Variants in ATXN2 observed in about 807,000 individuals in gnomAD.
ATXN2 encodes ataxin 2, also known as ataxin-2.
ATXN2 carries 37 observed loss-of-function variants against 138.6 expected under a neutral mutation model. The observed-to-expected ratio is 0.27, with a 90% CI of 0.21 to 0.35. The LOEUF is 0.35. Among genes scored for constraint, ATXN2 ranks in the 10% least tolerant of loss-of-function variants. ATXN2 has a pLI of 1.00. For missense variants in ATXN2, 1,216 were observed against 1,480.3 expected, an observed-to-expected ratio of 0.82 and a Z score of 2.93; for synonymous variants, 549 against 543.7, an observed-to-expected ratio of 1.01 and a Z score of -0.13.
intron 14 of ATXN2, among the ~76,000 whole-genome samples, chr12:111,496,915 A>T (rs1429811808): frequency 6.6e-6 from 1 of 152,170 alleles, no homozygotes; most frequent in Non-Finnish European, 1.5e-5. Context: ...AATACAAAAG[A>T]TCAATAAAAC....
rs140262591 is a variant in ATXN2 at position 111,470,741 on chromosome 12, T to C, written c.2526A>G (p.Val842=). ...NQAKTYRAGK[V]PNMPQQRQDQ... Reference sequence around the variant, plus strand: ...CTTGCCGCTGTTGGGGCATATTTGGTACTGCAGAAAAAAAAGCAGACTGCC... The same window carrying C: ...CTTGCCGCTGTTGGGGCATATTTGGCACTGCAGAAAAAAAAGCAGACTGCC... Residue 842 remains valine (V), a splice_region_variant and synonymous_variant, in exon 19 of 25, where the codon GTA becomes GTG. Coordinates refer to ENST00000673436, the MANE Select transcript of ATXN2 (RefSeq NM_001372574.1). 6,998 of 1,614,008 alleles carry C rather than the reference T, an allele frequency of 4.3e-3. 21 individuals carry two copies. Among genetic ancestry groups the C allele is most frequent in the Non-Finnish European group, 5.4e-3 (6,355 of 1,179,984 alleles).
At chr12:111,464,634 A>T in intron 21 of ATXN2, 28 bp downstream of exon 21, 1 of 1,559,982 alleles carries the variant, frequency 6.4e-7, no homozygotes, top group Non-Finnish European at 8.8e-7. Context: ...CTGTACAATT[A>T]AAAATTAGTA....
chr12:111,571,566 G>A (rs1361236012), intron 1 of ATXN2, among the ~76,000 whole-genome samples: 4 of 152,096 alleles, frequency 2.6e-5, no homozygotes, highest in Admixed American at 6.6e-5. Flanking sequence ...TCCACAAGCA[G>A]TGAGGAAGGA....
intron 21 of ATXN2, among the ~76,000 whole-genome samples, chr12:111,462,932 T>C (rs1039059705): frequency 3.3e-5 from 5 of 151,624 alleles, no homozygotes; most frequent in African/African-American, 1.2e-4. Context: ...TAACATTTCC[T>C]AGCACCAAAT....
intron 1 of ATXN2, among the ~76,000 whole-genome samples, chr12:111,576,876 T>G (rs537049765): frequency 2.0e-4 from 31 of 152,036 alleles, no homozygotes; most frequent in African/African-American, 7.2e-4. Context: ...GAGAATGGCA[T>G]GAACCTGGGA....
intron 1 of ATXN2, among the ~76,000 whole-genome samples, chr12:111,581,060 C>A (rs1454021848): frequency 6.7e-6 from 1 of 148,910 alleles, no homozygotes; most frequent in African/African-American, 2.5e-5. Flanking sequence ...AGCTTGAACC[C>A]AGGAGGTGGA....
At chr12:111,464,483 C>T (rs1048209319) in intron 21 of ATXN2, among the ~76,000 whole-genome samples, 179 bp downstream of exon 21, 1 of 151,968 alleles carries the variant, frequency 6.6e-6, no homozygotes, top group Non-Finnish European at 1.5e-5. Context: ...TCATTAACTC[C>T]AGCCTTCTTA....
At chr12:111,529,571 C>T (rs1040764442) in intron 5 of ATXN2, among the ~76,000 whole-genome samples, 1 of 152,206 alleles carries the variant, frequency 6.6e-6, no homozygotes, top group African/African-American at 2.4e-5. Context: ...TCAACACCTT[C>T]TCTTCTGATT....
rs137965236 is a variant in ATXN2 at position 111,453,053 on chromosome 12, A to G, written c.3440-213T>C. ...GTCAGACGTAAAACCACTTCAGATA[A>G]AACTCCCAGAAGACTTGTTCATGGG... On this transcript the variant is annotated intron_variant, in intron 24 of 24. Transcript: ENST00000673436. This position sits in a 1 kb window ranked among gnomAD's most constrained non-coding sequence, Gnocchi z 5.4. 1.1e-3 allele frequency: 1,370 copies of G among 1,295,110 alleles called. 2 individuals are homozygous for G. Among genetic ancestry groups the G allele is most frequent in the South Asian group, 1.0e-2 (389 of 38,902 alleles). 80.2% of individuals were successfully genotyped at this position (1,295,110 alleles called of 1,614,324 possible). A position where few individuals can be genotyped will look rare whatever the true frequency, so the allele number is the denominator to read the frequency against.
intron 1 of ATXN2, among the ~76,000 whole-genome samples, chr12:111,583,700 G>A (rs1181708119): frequency 7.0e-6 from 1 of 142,752 alleles, no homozygotes; most frequent in Admixed American, 7.6e-5. Context: ...ACAGGAGGTG[G>A]AGGTTGCAGT....
intron 20 of ATXN2, among the ~76,000 whole-genome samples, chr12:111,466,575 A>C (rs1876045316): frequency 6.6e-6 from 1 of 152,236 alleles, no homozygotes; most frequent in South Asian, 2.1e-4. Flanking sequence ...GGTCAAGGTC[A>C]ATACTTTTTT....
intron 6 of ATXN2, among the ~76,000 whole-genome samples, chr12:111,522,041 G>A (rs1282214669): frequency 1.3e-5 from 2 of 152,112 alleles, no homozygotes; most frequent in Non-Finnish European, 2.9e-5. Flanking sequence ...AAGCAATGCT[G>A]ATGGCAACCT....
intron 1 of ATXN2, among the ~76,000 whole-genome samples, chr12:111,585,846 T>G (rs1402767553): frequency 7.0e-6 from 1 of 143,354 alleles, no homozygotes; most frequent in South Asian, 2.3e-4. Flanking sequence ...CAGAATGGTA[T>G]ACTTGTTGAG....
In ATXN2 at chr12:111,485,249, G is replaced by C; in HGVS notation, c.2524+16C>G. On this transcript the variant is annotated intron_variant, in intron 18 of 24. Transcript: ENST00000673436. The stretch of plus-strand genomic sequence containing the variant: ...GCATGCAAACTACAAGCAAACACAG[G>C]CAGGATTATTCTCACCTTTACCTGC... 2 of 1,599,132 alleles carry C rather than the reference G, an allele frequency of 1.3e-6. No homozygotes were observed. Among genetic ancestry groups the C allele is most frequent in the Non-Finnish European group, 8.5e-7 (1 of 1,169,766 alleles).
intron 20 of ATXN2, among the ~76,000 whole-genome samples, chr12:111,466,021 C>A (rs1014540621): frequency 6.0e-5 from 9 of 151,014 alleles, no homozygotes; most frequent in Admixed American, 6.0e-4. Flanking sequence ...CAAAAATTAG[C>A]CAGGTGTGGT....
intron 5 of ATXN2, among the ~76,000 whole-genome samples, chr12:111,536,777 G>GTTTTT (rs750371516): frequency 4.6e-4 from 45 of 96,794 alleles, no homozygotes; most frequent in South Asian, 7.0e-4. Flanking sequence ...TCCACACGCA[G>GTTTTT]TTTTTTTTTT....
chr12:111,584,377 CAAAAAAAAAAAAAAAAAAA>C (rs58678794), intron 1 of ATXN2, among the ~76,000 whole-genome samples: 72 of 44,752 alleles, frequency 1.6e-3, no homozygotes, highest in Admixed American at 2.2e-3. Context: ...GACCCTGTCT[CAAAAAAAAAAAAAAAAAAA>C]AAAAAAAAAA....
Position 111,599,253 on chromosome 12 carries a change from GA to G in ATXN2, c.-220del. On this transcript the variant is annotated 5_prime_UTR_variant, in exon 1 of 25. Transcript: ENST00000673436. ...CCAAGGAGCCGCCGGGAGCCGGGCCGAAACGCGCCGCCGCCGTTGCCGTTGC... is the reference window on the plus strand; with the variant it reads ...CCAAGGAGCCGCCGGGAGCCGGGCCGAACGCGCCGCCGCCGTTGCCGTTGC... The G allele has an allele frequency of 9.0e-7, 1 of 1,108,718 alleles. No homozygotes were observed. The highest frequency in any genetic ancestry group is 1.1e-6 in the Non-Finnish European group (1 of 913,336). 68.7% of individuals were successfully genotyped at this position (1,108,718 alleles called of 1,614,324 possible). A position where few individuals can be genotyped will look rare whatever the true frequency, so the allele number is the denominator to read the frequency against.
chr12:111,527,389 T>C (rs1423525501), intron 5 of ATXN2, among the ~76,000 whole-genome samples: 1 of 152,246 alleles, frequency 6.6e-6, no homozygotes, highest in African/African-American at 2.4e-5. Flanking sequence ...TTATTCCAGA[T>C]GGATTTTTTA....
Sources: allele counts gnomAD v4.1 joint callset (sites outside exome capture counted in the v4.1 genomes callset), GRCh38; gene constraint gnomAD v4.1.1; non-coding constraint Gnocchi (gnomAD v3.1); transcripts MANE v1.5; gene names NCBI Gene and HGNC (gene_info 2026-07-23, HGNC 2026-07-21).